The following TCF4 variants were observed in gnomAD, a reference collection of about 807,000 sequenced individuals.
TCF4 encodes the protein SL3-3 enhancer factor 2.
In TCF4, 3 loss-of-function variants were observed where a neutral mutation model predicts 82.1. The ratio of observed to expected loss-of-function variants is 0.04; its 90% CI spans 0.02 to 0.09. The LOEUF (loss-of-function observed/expected upper bound fraction) is 0.09. Among genes scored for constraint, TCF4 ranks in the 10% least tolerant of loss-of-function variants. The pLI, the probability that TCF4 is intolerant of heterozygous loss-of-function variation, is 1.00. For missense variants in TCF4, 518 were observed against 852.7 expected, an observed-to-expected ratio of 0.61 and a Z score of 4.89; for synonymous variants, 276 against 309.6, an observed-to-expected ratio of 0.89 and a Z score of 1.14.
chr18:55,577,102 T>G (rs1378388441), intron 3 of TCF4, among the ~76,000 whole-genome samples: 1 of 146,482 alleles, frequency 6.8e-6, no homozygotes, highest in Non-Finnish European at 1.5e-5. Context: ...ATTTATATAT[T>G]TATATATGTA....
At chr18:55,542,198 T>C (rs2097170345) in intron 3 of TCF4, among the ~76,000 whole-genome samples, 1 of 152,038 alleles carries the variant, frequency 6.6e-6, no homozygotes, top group African/African-American at 2.4e-5. Context: ...GTGAATATAG[T>C]GGCAAATAAA....
upstream of TCF4, among the ~76,000 whole-genome samples, chr18:55,590,686 C>T (rs2097683776): frequency 6.6e-6 from 1 of 152,170 alleles, no homozygotes; most frequent in Non-Finnish European, 1.5e-5. Flanking sequence ...GGAAATTTCC[C>T]TACTCCAAAA....
chr18:55,554,404 A>G (rs1478910102), intron 3 of TCF4, among the ~76,000 whole-genome samples: 1 of 152,098 alleles, frequency 6.6e-6, no homozygotes, highest in Non-Finnish European at 1.5e-5. Flanking sequence ...AAGGGTACAC[A>G]CTGAATTCTA....
At chr18:55,549,118 C>T (rs556641023) in intron 3 of TCF4, among the ~76,000 whole-genome samples, 4 of 151,902 alleles carry the variant, frequency 2.6e-5, no homozygotes, top group Non-Finnish European at 2.9e-5. Flanking sequence ...TTGAGTAACA[C>T]GGCAAAACCC....
intron 8 of TCF4, chr18:55,302,449 C>T (rs1416410668): frequency 6.5e-7 from 1 of 1,536,280 alleles, no homozygotes; most frequent in South Asian, 1.2e-5. Flanking sequence ...GGCAACATAG[C>T]CCTGTATCTG....
chr18:55,589,789 G>A, upstream of TCF4: 1 of 1,010,248 alleles, frequency 9.9e-7, no homozygotes, highest in South Asian at 4.7e-5. Context: ...ATTCACATCC[G>A]GGAACTGCGG....
chr18:55,344,513 C>T (rs139108627), intron 8 of TCF4, among the ~76,000 whole-genome samples: 1 of 152,130 alleles, frequency 6.6e-6, no homozygotes, highest in African/African-American at 2.4e-5. Context: ...ATATACTCTT[C>T]AGTGAAAATG....
chr18:55,431,440 CA>C (rs2095191066), intron 5 of TCF4, among the ~76,000 whole-genome samples: 1 of 152,134 alleles, frequency 6.6e-6, no homozygotes, highest in Non-Finnish European at 1.5e-5. Context: ...CCACCAAGCC[CA>C]GCTAATTTTT....
intron 3 of TCF4, among the ~76,000 whole-genome samples, chr18:55,519,349 G>A (rs917756446): frequency 6.6e-6 from 1 of 150,834 alleles, no homozygotes; most frequent in Non-Finnish European, 1.5e-5. Context: ...TAGGAGGATT[G>A]CTTAAGCCAG....
At chr18:55,542,587 CCAA>C (rs2097173418) in intron 3 of TCF4, among the ~76,000 whole-genome samples, 1 of 151,844 alleles carries the variant, frequency 6.6e-6, no homozygotes, top group Non-Finnish European at 1.5e-5. Context: ...CAAAAATTAA[CCAA>C]CATTTTCTTC....
chr18:55,425,924 C>T (rs1016323391), intron 5 of TCF4, among the ~76,000 whole-genome samples: 2 of 152,140 alleles, frequency 1.3e-5, no homozygotes, highest in African/African-American at 4.8e-5. Context: ...TAAACTACCA[C>T]TCTACAGGAA....
chr18:55,262,184 A>G (rs548555155), intron 11 of TCF4, among the ~76,000 whole-genome samples: 3 of 152,356 alleles, frequency 2.0e-5, no homozygotes, highest in African/African-American at 7.2e-5. Flanking sequence ...GTAAGTCTAC[A>G]TATTCATGAA....
intron 6 of TCF4, among the ~76,000 whole-genome samples, chr18:55,376,987 C>T (rs2090916794): frequency 6.6e-6 from 1 of 152,204 alleles, no homozygotes; most frequent in African/African-American, 2.4e-5. Flanking sequence ...GCACAGCACA[C>T]TTGAATAATG....
chr18:55,420,382 T>A (rs1324610083), intron 5 of TCF4, among the ~76,000 whole-genome samples: 1 of 152,144 alleles, frequency 6.6e-6, no homozygotes, highest in African/African-American at 2.4e-5. Context: ...GTAAAAACAA[T>A]CTCCAATACT....
intron 10 of TCF4, among the ~76,000 whole-genome samples, chr18:55,270,446 A>G (rs966897763): frequency 4.1e-4 from 62 of 152,140 alleles, no homozygotes; most frequent in Non-Finnish European, 5.7e-4. Context: ...TCTTCCTCCC[A>G]AATTAAATTT....
chr18:55,588,514 G>C (rs1402963070), upstream of TCF4: 1 of 1,534,624 alleles, frequency 6.5e-7, no homozygotes, highest in Non-Finnish European at 8.7e-7. Context: ...AGCCTGAACA[G>C]TTCAGTTTTT....
intron 3 of TCF4, among the ~76,000 whole-genome samples, chr18:55,538,050 A>T (rs969801592): frequency 1.4e-4 from 22 of 151,964 alleles, no homozygotes; most frequent in Admixed American, 3.9e-4. Context: ...ACACACACAC[A>T]CACACACACA....
At chr18:55,545,023 T>A (rs539484780) in intron 3 of TCF4, among the ~76,000 whole-genome samples, 24 of 152,186 alleles carry the variant, frequency 1.6e-4, no homozygotes, top group Non-Finnish European at 2.9e-4. Context: ...TAGACAGTAG[T>A]GATTGCACAC....
chr18:55,507,365 G>A (rs911168573), intron 3 of TCF4, among the ~76,000 whole-genome samples: 1 of 152,194 alleles, frequency 6.6e-6, no homozygotes, highest in African/African-American at 2.4e-5. Context: ...GGAGTGTCTG[G>A]AGTGTGAATC....
Sources: allele counts gnomAD v4.1 joint callset (sites outside exome capture counted in the v4.1 genomes callset), GRCh38; gene constraint gnomAD v4.1.1; transcripts MANE v1.5; gene names NCBI Gene and HGNC (gene_info 2026-07-23, HGNC 2026-07-21).